Variants in CNTN3 observed in about 807,000 individuals in gnomAD.
CNTN3 encodes contactin-3.
Under a neutral mutation model 119.1 loss-of-function variants are expected in CNTN3, and 60 were observed. The ratio of observed to expected loss-of-function variants is 0.50; its 90% CI spans 0.41 to 0.62. The LOEUF is 0.62. Among genes scored for constraint, CNTN3 ranks in the 20% least tolerant of loss-of-function variants. CNTN3 has a pLI of 0.00. For synonymous variants in CNTN3, 450 were observed against 438.7 expected (o/e 1.03, Z -0.32); for missense variants, 1,101 against 1,242.4 (o/e 0.89, Z 1.71).
chr3:74,539,337 T>C (rs1028691419), intron 1 of CNTN3, among the ~76,000 whole-genome samples: 11 of 152,154 alleles, frequency 7.2e-5, no homozygotes, highest in African/African-American at 2.7e-4. Flanking sequence ...TTCATGTCAT[T>C]TACTGACTAT....
intron 20 of CNTN3, among the ~76,000 whole-genome samples, chr3:74,268,950 A>C (rs1701714133): frequency 6.6e-6 from 1 of 151,906 alleles, no homozygotes; most frequent in Non-Finnish European, 1.5e-5. Context: ...GGGAGAAATG[A>C]CTGCAAATAG....
intron 6 of CNTN3, 64 bp downstream of exon 6, chr3:74,371,132 T>C (rs1704327692): frequency 6.0e-6 from 7 of 1,167,308 alleles, no homozygotes; most frequent in Non-Finnish European, 7.6e-6. Flanking sequence ...ATTTTCCCAA[T>C]TGCTTTTGTT....
At chr3:74,280,510 T>G (rs2106771741) in intron 20 of CNTN3, among the ~76,000 whole-genome samples, 1 of 152,270 alleles carries the variant, frequency 6.6e-6, no homozygotes, top group East Asian at 1.9e-4. Flanking sequence ...GGTAGAATAA[T>G]CAGAAAGAAA....
intron 4 of CNTN3, among the ~76,000 whole-genome samples, chr3:74,442,072 T>G (rs535125768): frequency 3.4e-4 from 52 of 151,700 alleles, no homozygotes; most frequent in South Asian, 1.0e-3. Context: ...TTCTGAAACC[T>G]CCCCTTGATA....
chr3:74,439,326 G>A (rs1413594990), intron 4 of CNTN3, among the ~76,000 whole-genome samples: 1 of 152,012 alleles, frequency 6.6e-6, no homozygotes, highest in Non-Finnish European at 1.5e-5. Flanking sequence ...GGCCAACATG[G>A]CAAAACCCCA....
intron 19 of CNTN3, among the ~76,000 whole-genome samples, chr3:74,292,608 T>C (rs1044070286): frequency 6.6e-5 from 10 of 152,108 alleles, no homozygotes; most frequent in Non-Finnish European, 1.2e-4. Context: ...AGCCAGAAAT[T>C]ATGAGAATCT....
At chr3:74,372,761 T>G (rs1399672209) in intron 5 of CNTN3, among the ~76,000 whole-genome samples, 4 of 152,016 alleles carry the variant, frequency 2.6e-5, no homozygotes, top group Non-Finnish European at 5.9e-5. Flanking sequence ...AGATGAGAGC[T>G]CCCATGAGTT....
chr3:74,591,697 G>A (rs1704705308), intron 1 of CNTN3, among the ~76,000 whole-genome samples: 1 of 151,840 alleles, frequency 6.6e-6, no homozygotes, highest in African/African-American at 2.4e-5. Flanking sequence ...CAAGGTCTCT[G>A]GCTTTCCTGA....
At chr3:74,373,598 T>C (rs1247292145) in intron 5 of CNTN3, among the ~76,000 whole-genome samples, 1 of 152,176 alleles carries the variant, frequency 6.6e-6, no homozygotes, top group East Asian at 1.9e-4. Context: ...AAGATAATAT[T>C]ATACAGTAAT....
intron 1 of CNTN3, among the ~76,000 whole-genome samples, chr3:74,612,932 A>G (rs139565612): frequency 3.2e-4 from 48 of 152,316 alleles, no homozygotes; most frequent in Non-Finnish European, 5.4e-4. Flanking sequence ...TGTTGCACAA[A>G]TTGATATGAA....
chr3:74,279,363 G>A (rs889927773), intron 20 of CNTN3, among the ~76,000 whole-genome samples: 2 of 152,064 alleles, frequency 1.3e-5, no homozygotes, highest in African/African-American at 4.8e-5. Context: ...CCACCCAAAT[G>A]TCCATCAATC....
At chr3:74,591,892 T>C (rs1044573995) in intron 1 of CNTN3, among the ~76,000 whole-genome samples, 1 of 151,628 alleles carries the variant, frequency 6.6e-6, no homozygotes, top group Non-Finnish European at 1.5e-5. Context: ...GGATAGATAA[T>C]CAGGACACAG....
At chr3:74,504,447 A>G (rs976947128) in intron 2 of CNTN3, among the ~76,000 whole-genome samples, 5 of 152,160 alleles carry the variant, frequency 3.3e-5, no homozygotes, top group Non-Finnish European at 7.4e-5. Flanking sequence ...TTAGGAAAAA[A>G]CTTTTAAAAG....
At chr3:74,487,851 A>C (rs1195110263) in intron 3 of CNTN3, among the ~76,000 whole-genome samples, 1 of 152,138 alleles carries the variant, frequency 6.6e-6, no homozygotes, top group Admixed American at 6.6e-5. Flanking sequence ...GCAATGGTGC[A>C]TAAAAAGGTA....
chr3:74,285,831 AT>A (rs1702105360), intron 19 of CNTN3, among the ~76,000 whole-genome samples: 13 of 132,372 alleles, frequency 9.8e-5, no homozygotes, highest in African/African-American at 3.2e-4. Context: ...ATATATATAT[AT>A]ATATATAAAA....
intron 1 of CNTN3, among the ~76,000 whole-genome samples, chr3:74,595,946 G>A (rs1164799810): frequency 6.6e-6 from 1 of 151,838 alleles, no homozygotes; most frequent in Non-Finnish European, 1.5e-5. Flanking sequence ...AAACCCCATT[G>A]TCTCAGCCCA....
chr3:74,546,058 C>T lies in CNTN3; in HGVS notation c.-80-24866G>A, dbSNP rs143212042. Among the ~76,000 whole-genome samples the T allele has an allele frequency of 2.5e-3, 385 of 152,010 alleles. 4 individuals carry two copies. Among genetic ancestry groups the T allele is most frequent in the African/African-American group, 8.6e-3 (357 of 41,476 alleles). Reference sequence around the variant, plus strand: ...TCACCCAGGCTGGAGTGCAGTGGCGCGATCTCGGCTCACTGCAAGCTCCGC... The same window carrying T: ...TCACCCAGGCTGGAGTGCAGTGGCGTGATCTCGGCTCACTGCAAGCTCCGC... On this transcript the variant is annotated intron_variant, in intron 1 of 22. Coordinates refer to ENST00000263665, the MANE Select transcript of CNTN3 (RefSeq NM_020872.3).
At position 74,425,068 on chromosome 3, in the gene CNTN3, T is replaced by G. The variant is rs146292807; in HGVS notation, c.359-128A>C. On this transcript the variant is annotated intron_variant, in intron 4 of 22. Transcript: ENST00000263665. ...CTTTTTTCTTTAAAAATTTTTATTT[T>G]TATTTACTTAGAATTTCACCCTTTA... The G allele has an allele frequency of 7.7e-4, 488 of 632,822 alleles. 2 individuals are homozygous for G. In the African/African-American group the frequency reaches 8.3e-3, roughly 11 times the overall value. The allele number at this position is 632,822 out of a possible 1,614,324, so 39.2% of individuals were successfully genotyped here.
At chr3:74,550,018 A>G (rs1043980268) in intron 1 of CNTN3, among the ~76,000 whole-genome samples, 1 of 152,210 alleles carries the variant, frequency 6.6e-6, no homozygotes, top group Non-Finnish European at 1.5e-5. Context: ...ACTGCCCATC[A>G]TAACCTTGGT....
Sources: gnomAD v4.1 joint callset for allele counts (sites outside exome capture counted in the v4.1 genomes callset) on GRCh38, gnomAD v4.1.1 for gene constraint, MANE v1.5 for transcripts, NCBI Gene and HGNC (gene_info 2026-07-23, HGNC 2026-07-21) for gene names.